Variants in SPDYA observed in about 807,000 individuals in gnomAD.
The protein encoded by SPDYA is speedy/RINGO cell cycle regulator family member A, also known as speedy protein A.
SPDYA carries 11 observed loss-of-function variants against 36.7 expected under a neutral mutation model. The ratio of observed to expected loss-of-function variants is 0.30; its 90% CI spans 0.19 to 0.50. SPDYA has a LOEUF of 0.50. Among genes scored for constraint, SPDYA ranks in the 20% least tolerant of loss-of-function variants. The pLI, the probability that SPDYA is intolerant of heterozygous loss-of-function variation, is 0.98. For missense variants in SPDYA, 287 were observed against 370.9 expected (o/e 0.77, Z 1.86); for synonymous variants, 115 against 118.7 (o/e 0.97, Z 0.20).
intron 4 of SPDYA, among the ~76,000 whole-genome samples, chr2:28,819,849 AATAT>A (rs200009876): frequency 1.7e-3 from 31 of 17,778 alleles, no homozygotes; most frequent in African/African-American, 4.7e-3. Context: ...AAAAAAAAAA[AATAT>A]ATATATATAT....
chr2:28,828,132 G>T (rs775431061), intron 5 of SPDYA, among the ~76,000 whole-genome samples: 1 of 151,986 alleles, frequency 6.6e-6, no homozygotes, highest in South Asian at 2.1e-4. Flanking sequence ...GATTACAGGC[G>T]CAGGCCACCA....
At chr2:28,824,490 A>AG in intron 5 of SPDYA, among the ~76,000 whole-genome samples, 1 of 100,088 alleles carries the variant, frequency 1.0e-5, no homozygotes, top group African/African-American at 4.0e-5. Flanking sequence ...AAAAAAAAAA[A>AG]ACAAAAAAAA....
intron 7 of SPDYA, among the ~76,000 whole-genome samples, chr2:28,849,512 G>C (rs1319322638): frequency 6.6e-6 from 1 of 152,172 alleles, no homozygotes; most frequent in Non-Finnish European, 1.5e-5. Context: ...GACTAGTCTC[G>C]AACTCCTGAC....
chr2:28,815,044 A>G (rs1421565301), intron 2 of SPDYA, among the ~76,000 whole-genome samples: 1 of 152,138 alleles, frequency 6.6e-6, no homozygotes, highest in African/African-American at 2.4e-5. Context: ...CACTTTGGGA[A>G]GCTGAGGCGA....
intron 7 of SPDYA, among the ~76,000 whole-genome samples, chr2:28,848,452 C>T (rs1205772196): frequency 1.3e-5 from 2 of 152,152 alleles, no homozygotes; most frequent in African/African-American, 4.8e-5. Context: ...GCATTCAGTT[C>T]TCAGCTCAAT....
intron 7 of SPDYA, among the ~76,000 whole-genome samples, chr2:28,844,238 A>C (rs1668818476): frequency 6.6e-6 from 1 of 152,362 alleles, no homozygotes; most frequent in East Asian, 1.9e-4. Context: ...AAAAGATTTC[A>C]GAATTAATTC....
At chr2:28,826,611 C>CTT (rs777338299) in intron 5 of SPDYA, among the ~76,000 whole-genome samples, 4,057 of 75,338 alleles carry the variant, frequency 0.054, 600 homozygotes, top group Middle Eastern at 0.069. Flanking sequence ...TTCTTTCTCT[C>CTT]TTTTTTTTTT....
chr2:28,813,881 T>C (rs1057432686), intron 1 of SPDYA, among the ~76,000 whole-genome samples: 5 of 152,086 alleles, frequency 3.3e-5, no homozygotes, highest in African/African-American at 1.2e-4. Flanking sequence ...CTGCTCTTAC[T>C]TTGAAAAAAA....
chr2:28,816,402 CT>C (rs1347425071), intron 3 of SPDYA, among the ~76,000 whole-genome samples, 153 bp downstream of exon 3: 4 of 150,542 alleles, frequency 2.7e-5, no homozygotes, highest in South Asian at 2.1e-4. Flanking sequence ...TTTACTTAGT[CT>C]TTTTTTTTCA....
At chr2:28,838,650 G>A (rs1414201806) in intron 6 of SPDYA, among the ~76,000 whole-genome samples, 1 of 152,074 alleles carries the variant, frequency 6.6e-6, no homozygotes, top group African/African-American at 2.4e-5. Context: ...TTAGTATGTG[G>A]AGAGACTATG....
chr2:28,828,028 G>C (rs1668374304), intron 5 of SPDYA, among the ~76,000 whole-genome samples: 1 of 151,092 alleles, frequency 6.6e-6, no homozygotes, highest in Non-Finnish European at 1.5e-5. Context: ...CCGTCACCCA[G>C]GCTGGAGTGC....
chr2:28,840,963 C>T (rs1457562042), intron 7 of SPDYA, among the ~76,000 whole-genome samples: 3 of 120,686 alleles, frequency 2.5e-5, no homozygotes, highest in Non-Finnish European at 4.9e-5. Flanking sequence ...GAAACAGAGT[C>T]TCACTTTGTC....
chr2:28,825,658 TCTTTA>T (rs765185340), intron 5 of SPDYA, among the ~76,000 whole-genome samples: 1 of 152,190 alleles, frequency 6.6e-6, no homozygotes, highest in Admixed American at 6.6e-5. Flanking sequence ...TTACTTGCCT[TCTTTA>T]CTTAATTGTA....
chr2:28,818,982 A>C, intron 3 of SPDYA, 66 bp from the exon 4 acceptor site: 2 of 1,270,644 alleles, frequency 1.6e-6, no homozygotes, highest in Non-Finnish European at 2.3e-6. Flanking sequence ...CTTGACATAG[A>C]AATTAATTCT....
intron 5 of SPDYA, among the ~76,000 whole-genome samples, chr2:28,823,746 A>ATAT (rs1558324099): frequency 1.6e-3 from 48 of 30,694 alleles, no homozygotes; most frequent in South Asian, 9.3e-3. Context: ...TATATATATA[A>ATAT]AATTTTTTTT....
At position 28,829,955 on chromosome 2, in the gene SPDYA, A is replaced by G. The variant is rs574214782; in HGVS notation, c.552+636A>G. On this transcript the variant is annotated intron_variant, in intron 6 of 7. Transcript: ENST00000334056. ...CGAGACTCCATCTCAAAAAAAAAAA[A>G]AAAAGAAAAGAAAAGAAAAAGAAAA... 7.1e-4 allele frequency among the ~76,000 whole-genome samples: 99 copies of G among 139,050 alleles called. 5 individuals carry two copies. In the East Asian group the frequency reaches 0.019, roughly 26 times the overall value. 91.2% of individuals were successfully genotyped at this position (139,050 alleles called of 152,430 possible).
intron 3 of SPDYA, among the ~76,000 whole-genome samples, chr2:28,817,069 A>G (rs1668002117): frequency 6.6e-6 from 1 of 152,178 alleles, no homozygotes; most frequent in Non-Finnish European, 1.5e-5. Context: ...AAAAGATGAA[A>G]CAGGAAAAAA....
intron 5 of SPDYA, among the ~76,000 whole-genome samples, chr2:28,827,420 G>A (rs144024736): frequency 5.9e-4 from 89 of 151,798 alleles, no homozygotes; most frequent in African/African-American, 1.9e-3. Context: ...TCCATGTATC[G>A]TATTATCTTT....
chr2:28,814,393 T>C (rs946820913), intron 1 of SPDYA, among the ~76,000 whole-genome samples: 3 of 152,188 alleles, frequency 2.0e-5, no homozygotes, highest in African/African-American at 7.2e-5. Context: ...ACGCAGCAGA[T>C]TTCAAAGACT....
Sources: allele counts gnomAD v4.1 joint callset (sites outside exome capture counted in the v4.1 genomes callset), GRCh38; gene constraint gnomAD v4.1.1; transcripts MANE v1.5; gene names NCBI Gene and HGNC (gene_info 2026-07-23, HGNC 2026-07-21).